Variants in MACO1 observed in about 807,000 individuals in gnomAD.
The protein encoded by MACO1 is macoilin.
In MACO1, 14 loss-of-function variants were observed where a neutral mutation model predicts 78.7. The observed-to-expected ratio is 0.18, with a 90% CI of 0.12 to 0.28. The LOEUF is 0.28. Ranked by LOEUF, MACO1 falls within the 10% of genes least tolerant of loss-of-function variation. The pLI, the probability that MACO1 is intolerant of heterozygous loss-of-function variation, is 1.00. For synonymous variants in MACO1, 288 were observed against 291.6 expected, an observed-to-expected ratio of 0.99 and a Z score of 0.12; for missense variants, 501 against 799.0, an observed-to-expected ratio of 0.63 and a Z score of 4.50.
chr1:25,474,873 G>C (rs1462193174), intron 6 of MACO1, among the ~76,000 whole-genome samples: 1 of 152,234 alleles, frequency 6.6e-6, no homozygotes, highest in Non-Finnish European at 1.5e-5. Context: ...GTACAGTGAA[G>C]TCTCAAGTCA....
At chr1:25,459,322 TTTTG>T (rs2043151274) in intron 6 of MACO1, among the ~76,000 whole-genome samples, 2 of 152,282 alleles carry the variant, frequency 1.3e-5, no homozygotes, top group South Asian at 4.1e-4. Context: ...TTTGTGCTTG[TTTTG>T]TTTTTCTGTT....
intron 6 of MACO1, among the ~76,000 whole-genome samples, chr1:25,460,074 A>T (rs1199355964): frequency 2.6e-5 from 4 of 152,184 alleles, no homozygotes; most frequent in Non-Finnish European, 5.9e-5. Flanking sequence ...GAACTAGATT[A>T]TTAATTTGTT....
chr1:25,482,932 GCCTT>G (rs2043393051), intron 6 of MACO1, among the ~76,000 whole-genome samples: 1 of 152,212 alleles, frequency 6.6e-6, no homozygotes, highest in African/African-American at 2.4e-5. Context: ...TTTAATCATG[GCCTT>G]CCTTGTCTTA....
chr1:25,449,249 A>C (rs2043043875), intron 3 of MACO1, among the ~76,000 whole-genome samples: 1 of 152,102 alleles, frequency 6.6e-6, no homozygotes, highest in Non-Finnish European at 1.5e-5. Flanking sequence ...GCCATGTGCC[A>C]AAAAAGAAAA....
At chr1:25,452,324 T>C (rs2043074056) in intron 3 of MACO1, among the ~76,000 whole-genome samples, 1 of 152,220 alleles carries the variant, frequency 6.6e-6, no homozygotes, top group Non-Finnish European at 1.5e-5. Flanking sequence ...AGTCATGTCC[T>C]GATATAGATG....
chr1:25,441,073 A>C (rs936615550), intron 1 of MACO1, among the ~76,000 whole-genome samples: 1 of 152,174 alleles, frequency 6.6e-6, no homozygotes, highest in African/African-American at 2.4e-5. Flanking sequence ...TTGTCCAGAC[A>C]CCTTCCCAGT....
intron 1 of MACO1, among the ~76,000 whole-genome samples, chr1:25,434,165 T>C (rs2042899822): frequency 6.6e-6 from 1 of 152,228 alleles, no homozygotes; most frequent in African/African-American, 2.4e-5. Context: ...TTTATACATA[T>C]AAAACATCAT....
intron 6 of MACO1, among the ~76,000 whole-genome samples, chr1:25,460,039 G>A (rs921666346): frequency 5.3e-5 from 8 of 152,124 alleles, no homozygotes; most frequent in African/African-American, 1.9e-4. Flanking sequence ...CTAGGAGGGA[G>A]GCTTTCCAGC....
chr1:25,478,998 T>C (rs2043347074), intron 6 of MACO1, among the ~76,000 whole-genome samples: 1 of 152,220 alleles, frequency 6.6e-6, no homozygotes. Flanking sequence ...AACTACTCTT[T>C]TATCCCTTAA....
At chr1:25,492,543 A>G (rs533211041) in intron 10 of MACO1, among the ~76,000 whole-genome samples, 1 of 151,962 alleles carries the variant, frequency 6.6e-6, no homozygotes, top group Non-Finnish European at 1.5e-5. Context: ...CTGCAGGCAG[A>G]GGGTGGGGGT....
intron 1 of MACO1, among the ~76,000 whole-genome samples, chr1:25,436,087 C>G (rs562701444): frequency 6.6e-6 from 1 of 152,244 alleles, no homozygotes; most frequent in East Asian, 1.9e-4. Context: ...TTCTTCACAT[C>G]GATTCCTCAT....
At chr1:25,453,845 C>G (rs1193726634) in intron 3 of MACO1, among the ~76,000 whole-genome samples, 1 of 151,978 alleles carries the variant, frequency 6.6e-6, no homozygotes, top group African/African-American at 2.4e-5. Flanking sequence ...AAAATTTTAT[C>G]TAATAGTTAA....
intron 6 of MACO1, among the ~76,000 whole-genome samples, chr1:25,481,100 ATT>A (rs1223621150): frequency 6.6e-6 from 1 of 151,670 alleles, no homozygotes; most frequent in Non-Finnish European, 1.5e-5. Context: ...CAGAATAAAT[ATT>A]GTTATTTTTA....
chr1:25,478,933 G>C (rs2043346212), intron 6 of MACO1, among the ~76,000 whole-genome samples: 1 of 152,204 alleles, frequency 6.6e-6, no homozygotes, highest in Admixed American at 6.5e-5. Flanking sequence ...GCTTGGTCCA[G>C]ATGTATCTGG....
chr1:25,478,959 T>A (rs72660959), intron 6 of MACO1, among the ~76,000 whole-genome samples: 2,634 of 152,312 alleles, frequency 0.017, 31 homozygotes, highest in Non-Finnish European at 0.029. Context: ...TATTTTTTTT[T>A]TAAATGAGAT....
chr1:25,448,717 A>G (rs1218833306), intron 2 of MACO1, 91 bp from the exon 3 acceptor site: 2 of 1,237,666 alleles, frequency 1.6e-6, no homozygotes, highest in Non-Finnish European at 1.1e-6. Context: ...AGCAGTTTCA[A>G]TAATTTTGTC....
At chr1:25,482,429 C>G (rs747165914) in intron 6 of MACO1, among the ~76,000 whole-genome samples, 1 of 152,210 alleles carries the variant, frequency 6.6e-6, no homozygotes, top group Non-Finnish European at 1.5e-5. Context: ...TCTGTTCTAT[C>G]CTTTCCTACT....
chr1:25,434,486 G>A (rs1312008573), intron 1 of MACO1, among the ~76,000 whole-genome samples: 1 of 152,184 alleles, frequency 6.6e-6, no homozygotes, highest in Admixed American at 6.5e-5. Context: ...AGTCTAGTAG[G>A]CCGTAGTAAT....
At chr1:25,436,764 A>G (rs2042922222) in intron 1 of MACO1, among the ~76,000 whole-genome samples, 1 of 152,158 alleles carries the variant, frequency 6.6e-6, no homozygotes, top group African/African-American at 2.4e-5. Flanking sequence ...CCGACATCAA[A>G]TTGTCTCAGC....
Sources: allele counts gnomAD v4.1 joint callset (sites outside exome capture counted in the v4.1 genomes callset), GRCh38; gene constraint gnomAD v4.1.1; transcripts MANE v1.5; gene names NCBI Gene and HGNC (gene_info 2026-07-23, HGNC 2026-07-21).